The following PBRM1 variants were observed in gnomAD, a reference collection of about 807,000 sequenced individuals.
PBRM1 encodes the protein polybromo 1.
In PBRM1, 27 loss-of-function variants were observed where a neutral mutation model predicts 194.5. The observed-to-expected ratio is 0.14, with a 90% CI of 0.10 to 0.19. PBRM1 has a LOEUF of 0.19. Ranked by LOEUF, PBRM1 falls within the 10% of genes least tolerant of loss-of-function variation. The pLI is 1.00. For synonymous variants in PBRM1, 655 were observed against 693.2 expected (o/e 0.94, Z 0.87); for missense variants, 1,466 against 2,077.2 (o/e 0.71, Z 5.72).
At chr3:52,599,013 T>C (rs1164735278) in intron 17 of PBRM1, among the ~76,000 whole-genome samples, 1 of 101,404 alleles carries the variant, frequency 9.9e-6, no homozygotes, top group Non-Finnish European at 1.8e-5. Flanking sequence ...CAGTGCCAGA[T>C]ATCTCAAAAA....
chr3:52,615,363 T>C, exon 15 of PBRM1: 1 of 1,603,288 alleles, frequency 6.2e-7, no homozygotes, highest in Non-Finnish European at 8.5e-7. Flanking sequence ...AGCTTGAGTT[T>C]GGGAGAAGCC....
At chr3:52,592,702 A>G (rs1293257434) in intron 17 of PBRM1, among the ~76,000 whole-genome samples, 2 of 152,130 alleles carry the variant, frequency 1.3e-5, no homozygotes, top group Admixed American at 6.6e-5. Context: ...CTTTCTCCTC[A>G]GTTATTTGGA....
intron 16 of PBRM1, among the ~76,000 whole-genome samples, chr3:52,604,328 G>A (rs1448951200): frequency 2.0e-5 from 3 of 152,186 alleles, no homozygotes; most frequent in Non-Finnish European, 4.4e-5. Flanking sequence ...TGGGGAACCA[G>A]CAAAGGCAAC....
intron 17 of PBRM1, among the ~76,000 whole-genome samples, chr3:52,602,361 C>T (rs534263891): frequency 3.3e-5 from 5 of 152,232 alleles, no homozygotes; most frequent in South Asian, 2.1e-4. Context: ...ACCTCAAGCC[C>T]GTAAGGATGT....
intron 13 of PBRM1, among the ~76,000 whole-genome samples, chr3:52,622,565 G>C (rs2095317027): frequency 6.6e-6 from 1 of 152,278 alleles, no homozygotes; most frequent in South Asian, 2.1e-4. Flanking sequence ...TTATGCACTA[G>C]CAGAGGCTCT....
At chr3:52,563,235 A>T (rs1408275763) in intron 24 of PBRM1, 48 bp downstream of exon 26, 1 of 1,484,532 alleles carries the variant, frequency 6.7e-7, no homozygotes. Flanking sequence ...AGTCTGCTGC[A>T]AACCAAAGGT....
chr3:52,638,600 CTCT>C (rs1452766503), intron 10 of PBRM1, among the ~76,000 whole-genome samples: 1 of 116,232 alleles, frequency 8.6e-6, no homozygotes, highest in African/African-American at 3.5e-5. Context: ...CTCGTATTCT[CTCT>C]TTTTTTAAGA....
chr3:52,668,330 A>T (rs1223521218), intron 3 of PBRM1, among the ~76,000 whole-genome samples, 168 bp downstream of exon 4: 2 of 152,192 alleles, frequency 1.3e-5, no homozygotes, highest in African/African-American at 4.8e-5. Context: ...TAAATAAATA[A>T]GAAATAAAAA....
At chr3:52,624,228 C>A (rs552566619) in intron 13 of PBRM1, among the ~76,000 whole-genome samples, 1 of 152,234 alleles carries the variant, frequency 6.6e-6, no homozygotes, top group African/African-American at 2.4e-5. Context: ...CTATATGTTC[C>A]TGGCAGGTAA....
At chr3:52,676,571 C>T (rs2097109541) in intron 2 of PBRM1, among the ~76,000 whole-genome samples, 2 of 152,166 alleles carry the variant, frequency 1.3e-5, no homozygotes, top group Non-Finnish European at 2.9e-5. Context: ...TTCCCAGTCT[C>T]GGGTATGTCT....
intron 22 of PBRM1, among the ~76,000 whole-genome samples, chr3:52,572,160 CT>C (rs2087608759): frequency 1.4e-5 from 2 of 145,498 alleles, no homozygotes; most frequent in African/African-American, 5.1e-5. Context: ...TTTGTTTTTC[CT>C]TTCAAATCTT....
At chr3:52,647,872 G>T (rs762101033) in intron 7 of PBRM1, among the ~76,000 whole-genome samples, 2 of 151,986 alleles carry the variant, frequency 1.3e-5, no homozygotes, top group African/African-American at 4.8e-5. Flanking sequence ...TGGAGTGATG[G>T]CTGCCCAACT....
intron 5 of PBRM1, among the ~76,000 whole-genome samples, chr3:52,654,964 AT>A (rs930217640): frequency 4.0e-5 from 6 of 151,894 alleles, no homozygotes; most frequent in South Asian, 2.1e-4. Context: ...AATTAAAAAA[AT>A]TTTTTTTGTA....
chr3:52,587,041 T>C (rs2153786115), intron 19 of PBRM1, among the ~76,000 whole-genome samples: 1 of 152,206 alleles, frequency 6.6e-6, no homozygotes, highest in Middle Eastern at 3.4e-3. Flanking sequence ...AAAGCACACA[T>C]TATTACCTAA....
chr3:52,567,181 T>A (rs972694414), intron 22 of PBRM1, among the ~76,000 whole-genome samples: 1 of 152,212 alleles, frequency 6.6e-6, no homozygotes, highest in African/African-American at 2.4e-5. Context: ...ATCTGAATTT[T>A]GTCACAAAAT....
At chr3:52,611,619 A>G (rs1263696945) in intron 15 of PBRM1, among the ~76,000 whole-genome samples, 1 of 151,880 alleles carries the variant, frequency 6.6e-6, no homozygotes, top group African/African-American at 2.4e-5. Flanking sequence ...GCCTGGCAAC[A>G]TAGCAAAACC....
rs141867923 is a variant in PBRM1 at position 52,607,438 on chromosome 3, T to A, written c.2567+1875A>T. Among the ~76,000 whole-genome samples the A allele has an allele frequency of 3.6e-3, 548 of 152,222 alleles. 7 individuals are homozygous for A. The highest frequency in any genetic ancestry group is 0.012 in the African/African-American group (499 of 41,540). On this transcript the variant is annotated intron_variant, in intron 16 of 29. Transcript: ENST00000296302. ...AAGCAAAAAACAACCATGTCAACAA[T>A]GGGAGAATGAAAAGAGCTAATTTCC...
At chr3:52,681,418 C>T (rs1327948328), upstream of PBRM1, 1 of 152,444 alleles carries the variant, frequency 6.6e-6, no homozygotes, top group Non-Finnish European at 1.5e-5. Flanking sequence ...TTGAAGTTGG[C>T]TAAAAGTAGT....
chr3:52,656,515 A>C (rs894375650), intron 5 of PBRM1, among the ~76,000 whole-genome samples: 2 of 152,038 alleles, frequency 1.3e-5, no homozygotes, highest in Non-Finnish European at 1.5e-5. Context: ...AAATACAAAA[A>C]TTAGCCAGGT....
Sources: gnomAD v4.1 joint callset for allele counts (sites outside exome capture counted in the v4.1 genomes callset) on GRCh38, gnomAD v4.1.1 for gene constraint, MANE v1.5 for transcripts, NCBI Gene and HGNC (gene_info 2026-07-23, HGNC 2026-07-21) for gene names.